The following ADGRG6 variants were observed in gnomAD, a reference collection of about 807,000 sequenced individuals.
ADGRG6 encodes the protein G-protein coupled receptor 126.
ADGRG6 carries 84 observed loss-of-function variants against 142.4 expected under a neutral mutation model. The observed-to-expected ratio is 0.59, with a 90% CI of 0.49 to 0.71. The LOEUF (loss-of-function observed/expected upper bound fraction) is 0.71, where lower values mean the gene tolerates loss of function less well. Ranked by LOEUF, ADGRG6 falls within the 30% of genes least tolerant of loss-of-function variation. The probability of loss-of-function intolerance (pLI) is 0.00; values close to 1 mark genes in which losing one functional copy is unlikely to be tolerated. For missense variants in ADGRG6, 1,367 were observed against 1,466.6 expected (o/e 0.93, Z 1.11); for synonymous variants, 521 against 520.5 (o/e 1.00, Z -0.01).
rs573550513 is a variant in ADGRG6, at chr6:142,345,200, A to G, written c.104-22369A>G. Among the ~76,000 whole-genome samples the G allele has an allele frequency of 1.6e-4, 24 of 152,214 alleles. No homozygotes were observed. The East Asian group carries it at 3.5e-3, about 22-fold the overall frequency. On this transcript the variant is annotated intron_variant, in intron 2 of 24. Coordinates refer to ENST00000367609, the MANE Select transcript of ADGRG6 (RefSeq NM_198569.3). ...AGAAATATGTGCTACAGATTCACTG[A>G]TGAATTAATAACGTTTTTCGATACA...
At chr6:142,354,369 C>T (rs113427634) in intron 2 of ADGRG6, among the ~76,000 whole-genome samples, 12 of 152,148 alleles carry the variant, frequency 7.9e-5, no homozygotes, top group African/African-American at 2.9e-4. Flanking sequence ...GGTGACAGAG[C>T]GAGTCTCTAT....
At chr6:142,413,899 TCACACACACACACACACA>T (rs112923600) in intron 18 of ADGRG6, among the ~76,000 whole-genome samples, 1 of 141,394 alleles carries the variant, frequency 7.1e-6, no homozygotes, top group Non-Finnish European at 1.5e-5. Flanking sequence ...CATTTCTTTA[TCACACACACACACACACA>T]CACACACACA....
intron 2 of ADGRG6, among the ~76,000 whole-genome samples, chr6:142,313,497 C>A (rs566054080): frequency 4.6e-4 from 70 of 152,242 alleles, no homozygotes; most frequent in African/African-American, 1.6e-3. Flanking sequence ...CCTCCCTTCT[C>A]TCCTGAAAAT....
At chr6:142,412,770 A>AT (rs1776149755) in intron 18 of ADGRG6, among the ~76,000 whole-genome samples, 1 of 152,208 alleles carries the variant, frequency 6.6e-6, no homozygotes. Flanking sequence ...AAGAACACTT[A>AT]TTTTTTGTGA....
intron 1 of ADGRG6, chr6:142,302,582 G>T: frequency 4.0e-6 from 2 of 497,868 alleles, no homozygotes; most frequent in Non-Finnish European, 7.0e-6. Context: ...TCACATTTGG[G>T]CGGTGTAAAG....
chr6:142,400,414 T>C (rs1241996536), intron 10 of ADGRG6, 71 bp from the exon 11 acceptor site: 1 of 743,260 alleles, frequency 1.3e-6, no homozygotes, highest in African/African-American at 1.7e-5. Context: ...TTTGCTTTCA[T>C]CCTGCATCTC....
At chr6:142,352,485 G>C (rs1054714067) in intron 2 of ADGRG6, among the ~76,000 whole-genome samples, 1 of 151,988 alleles carries the variant, frequency 6.6e-6, no homozygotes, top group Non-Finnish European at 1.5e-5. Context: ...ATGGAAAGAG[G>C]GTGTGGGTCC....
intron 4 of ADGRG6, among the ~76,000 whole-genome samples, chr6:142,377,322 T>TA (rs1185143361): frequency 6.6e-6 from 1 of 152,208 alleles, no homozygotes; most frequent in Non-Finnish European, 1.5e-5. Flanking sequence ...CACTGATTGA[T>TA]TCCCAGGTCC....
chr6:142,313,553 T>C (rs1777873620), intron 2 of ADGRG6, among the ~76,000 whole-genome samples: 1 of 152,164 alleles, frequency 6.6e-6, no homozygotes, highest in Non-Finnish European at 1.5e-5. Flanking sequence ...TACTCTGATA[T>C]CTATGAGACA....
At chr6:142,339,801 A>G (rs1342538395) in intron 2 of ADGRG6, among the ~76,000 whole-genome samples, 1 of 152,138 alleles carries the variant, frequency 6.6e-6, no homozygotes, top group Non-Finnish European at 1.5e-5. Context: ...AATGGCAGAT[A>G]ATTGGTTTTG....
Position 142,445,066 on chromosome 6 carries a change from G to A in ADGRG6, c.*1551G>A, listed in dbSNP as rs1777914757. The A allele has an allele frequency of 6.6e-6, 1 of 152,106 alleles. No individual in the cohort carries two copies. The highest frequency in any genetic ancestry group is 2.1e-4 in the South Asian group (1 of 4,826). 9.4% of individuals were successfully genotyped at this position (152,106 alleles called of 1,614,324 possible). A position where few individuals can be genotyped will look rare whatever the true frequency, so the allele number is the denominator to read the frequency against. On this transcript the variant is annotated 3_prime_UTR_variant, in exon 25 of 25. Coordinates refer to ENST00000367609, the MANE Select transcript of ADGRG6 (RefSeq NM_198569.3). ...TTTTAGGCTACACAGCAACCCAAGGGACCTCTCACCTTTTGCTGAGCTTCA... is the reference window on the plus strand; with the variant it reads ...TTTTAGGCTACACAGCAACCCAAGGAACCTCTCACCTTTTGCTGAGCTTCA...
chr6:142,379,758 C>T (rs529890788), intron 4 of ADGRG6, among the ~76,000 whole-genome samples: 1 of 152,266 alleles, frequency 6.6e-6, no homozygotes, highest in South Asian at 2.1e-4. Context: ...CAGAGCGAGA[C>T]TCCATCTCAA....
In ADGRG6 at chr6:142,356,840, T is replaced by C. The variant is rs144212872; in HGVS notation, c.104-10729T>C. 2.1e-3 allele frequency among the ~76,000 whole-genome samples: 323 copies of C among 152,334 alleles called. 1 individual carries two copies. The highest frequency in any genetic ancestry group is 7.4e-3 in the African/African-American group (307 of 41,572). On this transcript the variant is annotated intron_variant, in intron 2 of 24. Coordinates refer to ENST00000367609, the MANE Select transcript of ADGRG6 (RefSeq NM_198569.3). ...AAATAACCACATAAGCACGAATTAC[T>C]TCAAAAGGAAGGTGATTTAGTCTGT...
intron 2 of ADGRG6, among the ~76,000 whole-genome samples, chr6:142,344,038 G>C (rs1583012297): frequency 6.6e-6 from 1 of 151,880 alleles, no homozygotes; most frequent in African/African-American, 2.4e-5. Context: ...GTTCCTACTG[G>C]ATTTTCTTTT....
intron 22 of ADGRG6, 32 bp from the exon 23 acceptor site, chr6:142,437,402 G>T: frequency 1.0e-6 from 1 of 991,428 alleles, no homozygotes. Context: ...TGTGTCAGTT[G>T]GCTTAAATAT....
intron 24 of ADGRG6, among the ~76,000 whole-genome samples, chr6:142,441,812 TG>T (rs1777767841): frequency 6.6e-6 from 1 of 152,186 alleles, no homozygotes; most frequent in African/African-American, 2.4e-5. Context: ...TCAATCAGCT[TG>T]CTGAGAGCCT....
chr6:142,430,696 A>G (rs1473588417), intron 22 of ADGRG6, among the ~76,000 whole-genome samples: 1 of 152,224 alleles, frequency 6.6e-6, no homozygotes, highest in South Asian at 2.1e-4. Context: ...TATAATGCCA[A>G]TACTTAGAAA....
chr6:142,408,299 C>T, intron 16 of ADGRG6, 30 bp downstream of exon 16: 2 of 1,508,500 alleles, frequency 1.3e-6, no homozygotes, highest in African/African-American at 1.4e-5. Flanking sequence ...AGCATTTGGA[C>T]AGAAGTGGAC....
At chr6:142,363,209 A>T (rs1038792819) in intron 2 of ADGRG6, among the ~76,000 whole-genome samples, 4 of 152,156 alleles carry the variant, frequency 2.6e-5, no homozygotes, top group Admixed American at 2.6e-4. Flanking sequence ...GCTAAAATTG[A>T]TCTCCATTTT....
Sources: gnomAD v4.1 joint callset for allele counts (sites outside exome capture counted in the v4.1 genomes callset) on GRCh38, gnomAD v4.1.1 for gene constraint, MANE v1.5 for transcripts, NCBI Gene and HGNC (gene_info 2026-07-23, HGNC 2026-07-21) for gene names.